The following PHLPP1 variants were observed in gnomAD, a reference collection of about 807,000 sequenced individuals.
The protein encoded by PHLPP1 is PH domain leucine-rich repeat-containing protein phosphatase 1.
In PHLPP1, 42 loss-of-function variants were observed where a neutral mutation model predicts 117.2. That is an observed-to-expected ratio of 0.36 (90% CI 0.28 to 0.46). The LOEUF is 0.46. Ranked by LOEUF, PHLPP1 falls within the 20% of genes least tolerant of loss-of-function variation. The pLI, the probability that PHLPP1 is intolerant of heterozygous loss-of-function variation, is 1.00. For synonymous variants in PHLPP1, 1,042 were observed against 970.7 expected, an observed-to-expected ratio of 1.07 and a Z score of -1.37; for missense variants, 2,084 against 2,241.9, an observed-to-expected ratio of 0.93 and a Z score of 1.42.
chr18:62,951,346 AG>A (rs1309854716), intron 12 of PHLPP1, among the ~76,000 whole-genome samples: 3 of 152,244 alleles, frequency 2.0e-5, no homozygotes, highest in African/African-American at 4.8e-5. Context: ...CTAAATTCAA[AG>A]CCATGCCCAT....
chr18:62,859,882 G>A (rs1029486144), intron 3 of PHLPP1, among the ~76,000 whole-genome samples: 3 of 152,120 alleles, frequency 2.0e-5, no homozygotes, highest in African/African-American at 7.2e-5. Context: ...TCCAGGCAGG[G>A]ACATTTTCCT....
intron 10 of PHLPP1, among the ~76,000 whole-genome samples, chr18:62,922,371 A>T (rs1909499458): frequency 6.6e-6 from 1 of 152,180 alleles, no homozygotes; most frequent in Non-Finnish European, 1.5e-5. Flanking sequence ...TTCTGATCTC[A>T]AGTGATCCAC....
At chr18:62,878,061 T>G (rs1260760545) in intron 4 of PHLPP1, among the ~76,000 whole-genome samples, 2 of 152,210 alleles carry the variant, frequency 1.3e-5, no homozygotes, top group Non-Finnish European at 2.9e-5. Flanking sequence ...TCTGTCCACT[T>G]CCATTCTTTG....
At position 62,940,606 on chromosome 18, in the gene PHLPP1, C is replaced by T. The variant is rs192085158; in HGVS notation, c.2961-1112C>T. On this transcript the variant is annotated intron_variant, in intron 10 of 16. Transcript: ENST00000262719. ...GTCTCGATCTCCTGACCTTGTGATC[C>T]GCCTGCCTCGGCCTCCCAAAGTGCT... Among the ~76,000 whole-genome samples the T allele has an allele frequency of 2.2e-3, 328 of 152,092 alleles. 2 individuals carry two copies. Among genetic ancestry groups the T allele is most frequent in the African/African-American group, 7.4e-3 (306 of 41,480 alleles).
At chr18:62,957,308 A>G (rs1231496414) in intron 12 of PHLPP1, among the ~76,000 whole-genome samples, 1 of 152,210 alleles carries the variant, frequency 6.6e-6, no homozygotes, top group Non-Finnish European at 1.5e-5. Flanking sequence ...GAAAGGAGCT[A>G]TAATTTCTAC....
chr18:62,824,157 G>A (rs1289965700), intron 1 of PHLPP1: 4 of 452,684 alleles, frequency 8.8e-6, no homozygotes, highest in South Asian at 6.3e-5. Context: ...AATGTTGACA[G>A]GGATGTGGAG....
chr18:62,924,096 C>T lies in PHLPP1; in HGVS notation c.2960+3982C>T, dbSNP rs141339246. ...GGTAGGTTTAAGAAGGTAGAATAGACGGAAAATTACACGGTTGGTCTAGTA... is the reference window on the plus strand; with the variant it reads ...GGTAGGTTTAAGAAGGTAGAATAGATGGAAAATTACACGGTTGGTCTAGTA... On this transcript the variant is annotated intron_variant, in intron 10 of 16. Coordinates refer to ENST00000262719, the MANE Select transcript of PHLPP1 (RefSeq NM_194449.4). Among the ~76,000 whole-genome samples the T allele has an allele frequency of 4.4e-3, 664 of 152,182 alleles. 3 individuals carry two copies. Among genetic ancestry groups the T allele is most frequent in the Admixed American group, 7.5e-3 (115 of 15,274 alleles).
At chr18:62,773,749 G>A (rs1048458102) in intron 1 of PHLPP1, among the ~76,000 whole-genome samples, 1 of 152,146 alleles carries the variant, frequency 6.6e-6, no homozygotes, top group African/African-American at 2.4e-5. Flanking sequence ...GTCTTAGTTC[G>A]TTTAGGCTGC....
intron 1 of PHLPP1, among the ~76,000 whole-genome samples, chr18:62,788,677 G>A (rs1159168757): frequency 6.6e-6 from 1 of 152,024 alleles, no homozygotes; most frequent in Non-Finnish European, 1.5e-5. Context: ...TCAATCTTGA[G>A]TTGTAAAATT....
At chr18:62,779,044 G>A (rs1568114582) in intron 1 of PHLPP1, among the ~76,000 whole-genome samples, 1 of 152,146 alleles carries the variant, frequency 6.6e-6, no homozygotes, top group Non-Finnish European at 1.5e-5. Flanking sequence ...ACCCTGTCAT[G>A]CTCCTATTTA....
At chr18:62,864,058 G>A (rs1474753230) in intron 4 of PHLPP1, among the ~76,000 whole-genome samples, 3 of 151,658 alleles carry the variant, frequency 2.0e-5, no homozygotes, top group Admixed American at 6.6e-5. Flanking sequence ...TCTCGCTCCT[G>A]TTGCCCAGAC....
chr18:62,740,193 G>A (rs1183664602), intron 1 of PHLPP1, among the ~76,000 whole-genome samples: 7 of 152,174 alleles, frequency 4.6e-5, no homozygotes, highest in Admixed American at 4.6e-4. Flanking sequence ...GAGGCAGAAA[G>A]GCAGGATGTT....
chr18:62,802,377 G>A (rs1376162273), intron 1 of PHLPP1, among the ~76,000 whole-genome samples: 2 of 152,124 alleles, frequency 1.3e-5, no homozygotes, highest in Non-Finnish European at 2.9e-5. Context: ...CGATTCCAGG[G>A]AAGGAAAAGA....
chr18:62,756,783 A>G (rs973832856), intron 1 of PHLPP1, among the ~76,000 whole-genome samples: 6 of 152,208 alleles, frequency 3.9e-5, no homozygotes, highest in Non-Finnish European at 8.8e-5. Context: ...ACCAGTTACC[A>G]TGATTGGTTT....
chr18:62,884,611 T>C (rs1026862912), intron 4 of PHLPP1, among the ~76,000 whole-genome samples: 1 of 152,242 alleles, frequency 6.6e-6, no homozygotes, highest in African/African-American at 2.4e-5. Context: ...CCTTCATTAC[T>C]TAATACTGAA....
intron 4 of PHLPP1, among the ~76,000 whole-genome samples, chr18:62,876,711 T>C (rs2144379408): frequency 6.6e-6 from 1 of 152,366 alleles, no homozygotes; most frequent in African/African-American, 2.4e-5. Context: ...TCACTTAGAA[T>C]GATTATTGAT....
intron 4 of PHLPP1, among the ~76,000 whole-genome samples, chr18:62,865,648 T>G (rs1349053060): frequency 3.3e-5 from 5 of 152,204 alleles, no homozygotes; most frequent in Non-Finnish European, 2.9e-5. Flanking sequence ...TGCCCATCAA[T>G]GATAGGCTGG....
intron 12 of PHLPP1, among the ~76,000 whole-genome samples, chr18:62,948,104 C>T (rs1232575105): frequency 1.3e-5 from 2 of 152,052 alleles, no homozygotes; most frequent in Non-Finnish European, 2.9e-5. Context: ...GCAGGTGGAT[C>T]ACCTGAGGTC....
chr18:62,896,517 G>C (rs1162902165), intron 6 of PHLPP1, among the ~76,000 whole-genome samples: 2 of 151,916 alleles, frequency 1.3e-5, no homozygotes, highest in Non-Finnish European at 2.9e-5. Context: ...GGATGGTCTC[G>C]ATCTCCTGAC....
Sources: gnomAD v4.1 joint callset for allele counts (sites outside exome capture counted in the v4.1 genomes callset) on GRCh38, gnomAD v4.1.1 for gene constraint, MANE v1.5 for transcripts, NCBI Gene and HGNC (gene_info 2026-07-23, HGNC 2026-07-21) for gene names.